USP28: variants seen among roughly 807,000 people sequenced by gnomAD.
USP28 encodes ubiquitin carboxyl-terminal hydrolase 28.
USP28 carries 113 observed loss-of-function variants against 145.0 expected under a neutral mutation model. That is an observed-to-expected ratio of 0.78 (90% CI 0.67 to 0.91). The LOEUF is 0.91. USP28 is among the 40% of genes least tolerant of loss of function. USP28 has a pLI of 0.00. For synonymous variants in USP28, 447 were observed against 450.9 expected (o/e 0.99, Z 0.11); for missense variants, 1,201 against 1,289.6 (o/e 0.93, Z 1.05).
rs1939049639 is a variant in USP28 at position 113,801,684 on chromosome 11, G to C, written c.2863-6C>G. The stretch of plus-strand genomic sequence containing the variant: ...GCTGCTTTGGCATTCAGCTCCTACA[G>C]ATAAAAGGTAGAATTAGGTGGGGAA... On this transcript the variant is annotated splice_region_variant and splice_polypyrimidine_tract_variant and intron_variant, in intron 23 of 24. Transcript: ENST00000003302. 2.6e-6 allele frequency: 4 copies of C among 1,552,050 alleles called. No individual in the cohort carries two copies. The highest frequency in any genetic ancestry group is 2.4e-5 in the South Asian group (2 of 82,848).
exon 14 of USP28, chr11:113,815,246 T>C: frequency 6.2e-7 from 1 of 1,614,186 alleles, no homozygotes; most frequent in South Asian, 1.1e-5. Flanking sequence ...TCCTCATCTG[T>C]GACTGTTCGT....
At chr11:113,812,032 C>T (rs906566419) in intron 16 of USP28, among the ~76,000 whole-genome samples, 3 of 152,148 alleles carry the variant, frequency 2.0e-5, no homozygotes, top group Non-Finnish European at 4.4e-5. Flanking sequence ...TACAATGTGT[C>T]TTGAAGACTA....
chr11:113,866,752 A>C (rs1414016357), intron 1 of USP28, among the ~76,000 whole-genome samples: 1 of 152,250 alleles, frequency 6.6e-6, no homozygotes, highest in African/African-American at 2.4e-5. Flanking sequence ...TTCCTCAAGA[A>C]GTTAAACATA....
At chr11:113,838,869 A>G (rs995419567) in intron 5 of USP28, among the ~76,000 whole-genome samples, 2 of 152,210 alleles carry the variant, frequency 1.3e-5, no homozygotes, top group Admixed American at 1.3e-4. Flanking sequence ...GATGTAGCAG[A>G]TGTGTAGAAA....
Position 113,821,130 on chromosome 11 carries a change from G to C in USP28, c.1283+2475C>G, listed in dbSNP as rs138422676. The C allele has an allele frequency of 2.0e-3, 482 of 237,882 alleles. 2 individuals are homozygous for C. Among genetic ancestry groups the C allele is most frequent in the African/African-American group, 0.011 (461 of 43,572 alleles). 14.7% of individuals were successfully genotyped at this position (237,882 alleles called of 1,614,324 possible). ...TGGGGCTTTGAAGTCATTGTGGATG[G>C]CATGTCCACCACCATCTTCCCTGTA... is the stretch of plus-strand genomic sequence containing the variant. On this transcript the variant is annotated intron_variant, in intron 12 of 24. Transcript: ENST00000003302.
At chr11:113,871,590 CT>C (rs1948823012) in intron 1 of USP28, among the ~76,000 whole-genome samples, 1 of 152,078 alleles carries the variant, frequency 6.6e-6, no homozygotes, top group Non-Finnish European at 1.5e-5. Context: ...AAATCTCTCC[CT>C]AGTAAAAACC....
chr11:113,874,934 G>A, intron 1 of USP28: 2 of 988,290 alleles, frequency 2.0e-6, no homozygotes, highest in South Asian at 4.3e-5. Flanking sequence ...TTTTAAAGCC[G>A]GGTTGGGAGG....
chr11:113,832,115 C>A (rs1180175813), intron 7 of USP28, 122 bp from the exon 8 acceptor site: 4 of 906,954 alleles, frequency 4.4e-6, no homozygotes, highest in Non-Finnish European at 3.3e-6. Context: ...TTTTTCTTTT[C>A]TTTTTTTGTT....
chr11:113,854,928 T>C (rs2136568412), intron 1 of USP28, among the ~76,000 whole-genome samples: 1 of 152,352 alleles, frequency 6.6e-6, no homozygotes, highest in East Asian at 1.9e-4. Context: ...GTTTTTCTTT[T>C]GGTAGGCAGT....
chr11:113,814,974 C>T (rs529541414), intron 14 of USP28, among the ~76,000 whole-genome samples, 200 bp downstream of exon 14: 1 of 152,086 alleles, frequency 6.6e-6, no homozygotes, highest in Admixed American at 6.6e-5. Flanking sequence ...ATCGCCTGAA[C>T]CCGGAAGGCG....
intron 13 of USP28, 29 bp downstream of exon 13, chr11:113,817,629 T>C: frequency 1.2e-6 from 2 of 1,606,614 alleles, no homozygotes; most frequent in South Asian, 2.2e-5. Flanking sequence ...AAACAATACA[T>C]ACCATTAAAA....
At chr11:113,832,260 C>T (rs1019664445) in intron 7 of USP28, among the ~76,000 whole-genome samples, 2 of 152,128 alleles carry the variant, frequency 1.3e-5, no homozygotes, top group African/African-American at 2.4e-5. Context: ...CAGGCACATG[C>T]CACCATGCCT....
intron 3 of USP28, among the ~76,000 whole-genome samples, chr11:113,844,204 G>C (rs547673076): frequency 1.3e-5 from 2 of 152,136 alleles, no homozygotes; most frequent in East Asian, 3.9e-4. Context: ...ACTTTGGGAG[G>C]CCCAGACGGG....
At position 113,852,806 on chromosome 11, in the gene USP28, A is replaced by C. The variant is rs536095840; in HGVS notation, c.136-173T>G. On this transcript the variant is annotated intron_variant, in intron 2 of 24. Transcript: ENST00000003302. ...GTCTAATGTGCTTGAAGCGTCTATT[A>C]AATGCCTCATTACAGGAGGGAGTTT... Among the ~76,000 whole-genome samples the C allele has an allele frequency of 5.3e-5, 8 of 152,234 alleles. No individual in the cohort carries two copies. The South Asian group carries it at 1.7e-3, about 32-fold the overall frequency.
chr11:113,831,636 T>C (rs1316479790), intron 8 of USP28, among the ~76,000 whole-genome samples: 1 of 152,094 alleles, frequency 6.6e-6, no homozygotes, highest in Non-Finnish European at 1.5e-5. Flanking sequence ...TTGTCCTTTT[T>C]ACAAATACAT....
intron 1 of USP28, among the ~76,000 whole-genome samples, chr11:113,865,670 C>A (rs1182676296): frequency 2.6e-5 from 4 of 152,164 alleles, no homozygotes; most frequent in African/African-American, 9.7e-5. Flanking sequence ...TGGACCCCTA[C>A]CTCACACAAT....
intron 11 of USP28, among the ~76,000 whole-genome samples, chr11:113,824,872 G>A (rs1375156529): frequency 1.3e-5 from 2 of 150,690 alleles, no homozygotes; most frequent in South Asian, 2.1e-4. Flanking sequence ...CAGAGGTTGC[G>A]GTGAGCCAAG....
chr11:113,827,184 T>C, intron 11 of USP28, 49 bp downstream of exon 11: 1 of 1,576,182 alleles, frequency 6.3e-7, no homozygotes, highest in Non-Finnish European at 8.6e-7. Context: ...CGTGCTCATC[T>C]CTACTGCTGT....
intron 5 of USP28, among the ~76,000 whole-genome samples, chr11:113,837,242 C>T (rs1305655731): frequency 6.6e-6 from 1 of 152,210 alleles, no homozygotes; most frequent in African/African-American, 2.4e-5. Context: ...TCCATGTGGG[C>T]ACAGTTGTCT....
Sources: gnomAD v4.1 joint callset for allele counts (sites outside exome capture counted in the v4.1 genomes callset) on GRCh38, gnomAD v4.1.1 for gene constraint, MANE v1.5 for transcripts, NCBI Gene and HGNC (gene_info 2026-07-23, HGNC 2026-07-21) for gene names.